Variants in PLCB1 observed in about 807,000 individuals in gnomAD.
The protein encoded by PLCB1 is 1-phosphatidylinositol 4,5-bisphosphate phosphodiesterase beta-1.
In PLCB1, 46 loss-of-function variants were observed where a neutral mutation model predicts 161.8. That is an observed-to-expected ratio of 0.28 (90% CI 0.22 to 0.36). The LOEUF is 0.36. Among genes scored for constraint, PLCB1 ranks in the 10% least tolerant of loss-of-function variants. PLCB1 has a pLI of 1.00. For synonymous variants in PLCB1, 517 were observed against 503.7 expected, an observed-to-expected ratio of 1.03 and a Z score of -0.35; for missense variants, 1,016 against 1,472.5, an observed-to-expected ratio of 0.69 and a Z score of 5.07.
At chr20:8,613,870 T>TA (rs1464287808) in intron 3 of PLCB1, among the ~76,000 whole-genome samples, 1 of 151,672 alleles carries the variant, frequency 6.6e-6, no homozygotes, top group Non-Finnish European at 1.5e-5. Flanking sequence ...GAACCAAATA[T>TA]AAAAAAATTA....
intron 3 of PLCB1, among the ~76,000 whole-genome samples, chr20:8,617,393 G>A (rs994337072): frequency 2.0e-5 from 3 of 152,048 alleles, no homozygotes; most frequent in African/African-American, 7.2e-5. Flanking sequence ...GTATGATTTT[G>A]AGGCTATTTA....
chr20:8,410,288 A>G (rs1287150460), intron 3 of PLCB1, among the ~76,000 whole-genome samples: 4 of 152,176 alleles, frequency 2.6e-5, no homozygotes, highest in South Asian at 4.1e-4. Flanking sequence ...ACAAACACCT[A>G]TGGGTGGAAT....
In PLCB1 at chr20:8,286,030, A is replaced by G. The variant is rs575474509; in HGVS notation, c.178-85352A>G. On this transcript the variant is annotated intron_variant, in intron 2 of 31. Coordinates refer to ENST00000338037, the MANE Select transcript of PLCB1 (RefSeq NM_015192.4). ...TCCAAGAAGCATAGCATAAGAGAAA[A>G]GGATAAATTTTCATCCTGGCACAGT... Among the ~76,000 whole-genome samples, 3 of 152,324 alleles carry G rather than the reference A, an allele frequency of 2.0e-5. No individual in the cohort carries two copies. The East Asian group carries it at 5.8e-4, about 29-fold the overall frequency.
At chr20:8,867,824 G>T (rs954210671) in intron 31 of PLCB1, among the ~76,000 whole-genome samples, 2 of 152,168 alleles carry the variant, frequency 1.3e-5, no homozygotes, top group Non-Finnish European at 2.9e-5. Flanking sequence ...CTCATTCACA[G>T]ATTTGTGTTG....
intron 2 of PLCB1, among the ~76,000 whole-genome samples, chr20:8,237,496 C>A (rs922126050): frequency 6.6e-6 from 1 of 152,008 alleles, no homozygotes; most frequent in Non-Finnish European, 1.5e-5. Flanking sequence ...CTTGTACTTG[C>A]CTCACATTTG....
At chr20:8,210,967 A>G (rs889361151) in intron 2 of PLCB1, among the ~76,000 whole-genome samples, 1 of 152,106 alleles carries the variant, frequency 6.6e-6, no homozygotes, top group African/African-American at 2.4e-5. Flanking sequence ...ATCCCTCAGG[A>G]TGGATGCATG....
intron 3 of PLCB1, among the ~76,000 whole-genome samples, chr20:8,396,039 A>G (rs980990858): frequency 2.6e-5 from 4 of 152,050 alleles, no homozygotes; most frequent in African/African-American, 7.2e-5. Context: ...ACTAATATTC[A>G]TGCCCTGTTT....
chr20:8,518,553 A>G (rs1600122508), intron 3 of PLCB1, among the ~76,000 whole-genome samples: 1 of 152,140 alleles, frequency 6.6e-6, no homozygotes, highest in East Asian at 1.9e-4. Context: ...GAAAGATTTC[A>G]TTAGTTCATT....
chr20:8,516,482 A>G (rs775741041), intron 3 of PLCB1, among the ~76,000 whole-genome samples: 89 of 152,160 alleles, frequency 5.8e-4, no homozygotes, highest in Non-Finnish European at 1.1e-3. Context: ...ATCATTTCAG[A>G]ACAACAACCT....
intron 3 of PLCB1, chr20:8,624,065 G>A (rs894234614): frequency 6.6e-6 from 1 of 152,182 alleles, no homozygotes; most frequent in Non-Finnish European, 1.5e-5. Context: ...TTTGAATAAA[G>A]CATAGCAAGT....
At chr20:8,587,280 G>T (rs1017778454) in intron 3 of PLCB1, among the ~76,000 whole-genome samples, 2 of 152,116 alleles carry the variant, frequency 1.3e-5, no homozygotes, top group Non-Finnish European at 2.9e-5. Context: ...TACTAAATGA[G>T]TTGGGTTATT....
chr20:8,824,245 A>G (rs1985579086), intron 31 of PLCB1, among the ~76,000 whole-genome samples: 1 of 152,188 alleles, frequency 6.6e-6, no homozygotes, highest in Non-Finnish European at 1.5e-5. Flanking sequence ...GGCTGCATGA[A>G]TCAATGTCAG....
At chr20:8,856,629 A>C (rs1221043922) in intron 31 of PLCB1, among the ~76,000 whole-genome samples, 1 of 152,180 alleles carries the variant, frequency 6.6e-6, no homozygotes, top group Non-Finnish European at 1.5e-5. Flanking sequence ...AAAAATAAAT[A>C]AATAAAAAGA....
At chr20:8,546,979 G>A (rs1347031270) in intron 3 of PLCB1, among the ~76,000 whole-genome samples, 1 of 152,078 alleles carries the variant, frequency 6.6e-6, no homozygotes, top group Non-Finnish European at 1.5e-5. Context: ...ATTTATAATT[G>A]CGCCTCTTAA....
rs997750065 is a variant in PLCB1 at position 8,771,876 on chromosome 20, C to T, written c.2931-2663C>T. On this transcript the variant is annotated intron_variant, in intron 26 of 31. Coordinates refer to ENST00000338037, the MANE Select transcript of PLCB1 (RefSeq NM_015192.4). The stretch of plus-strand genomic sequence containing the variant: ...ATTGAATTTGTTTCCTTCCTTCCTT[C>T]GTTCCTTCCTTCCTTCCTTCCTTTC... Among the ~76,000 whole-genome samples the T allele has an allele frequency of 1.0e-4, 15 of 150,286 alleles. 1 individual carries two copies. Among genetic ancestry groups the T allele is most frequent in the African/African-American group, 3.7e-4 (15 of 40,708 alleles).
chr20:8,558,054 G>T (rs935669713), intron 3 of PLCB1, among the ~76,000 whole-genome samples: 1 of 151,688 alleles, frequency 6.6e-6, no homozygotes, highest in Non-Finnish European at 1.5e-5. Flanking sequence ...AAGTAGTGAG[G>T]CTTAATGAGT....
At chr20:8,689,203 A>G (rs1232128904) in intron 10 of PLCB1, among the ~76,000 whole-genome samples, 1 of 152,046 alleles carries the variant, frequency 6.6e-6, no homozygotes, top group African/African-American at 2.4e-5. Context: ...TGTATCTGAA[A>G]ACTTTGCTGA....
At chr20:8,527,672 A>G (rs1417071730) in intron 3 of PLCB1, among the ~76,000 whole-genome samples, 4 of 152,062 alleles carry the variant, frequency 2.6e-5, no homozygotes, top group Non-Finnish European at 5.9e-5. Flanking sequence ...GATGCTGAAA[A>G]TGTTCCATTT....
intron 2 of PLCB1, among the ~76,000 whole-genome samples, chr20:8,167,475 C>T (rs937453102): frequency 1.3e-5 from 2 of 152,192 alleles, no homozygotes; most frequent in Admixed American, 6.5e-5. Context: ...CACATAGCTA[C>T]CTGGTAAATG....
Sources: allele counts gnomAD v4.1 joint callset (sites outside exome capture counted in the v4.1 genomes callset), GRCh38; gene constraint gnomAD v4.1.1; transcripts MANE v1.5; gene names NCBI Gene and HGNC (gene_info 2026-07-23, HGNC 2026-07-21).